The following GSE1 variants were observed in gnomAD, a reference collection of about 807,000 sequenced individuals.
The protein encoded by GSE1 is genetic suppressor element 1.
A neutral mutation model predicts 112.6 loss-of-function variants in GSE1; 32 were observed. The ratio of observed to expected loss-of-function variants is 0.28; its 90% CI spans 0.21 to 0.38. The LOEUF (loss-of-function observed/expected upper bound fraction) is 0.38, where lower values mean the gene tolerates loss of function less well. Among genes scored for constraint, GSE1 ranks in the 10% least tolerant of loss-of-function variants. GSE1 has a pLI of 1.00. For synonymous variants in GSE1, 1,115 were observed against 735.6 expected (o/e 1.52, Z -8.35); for missense variants, 2,348 against 1,699.2 (o/e 1.38, Z -6.71).
rs1167569222 is a variant in GSE1 at position 85,410,033 on chromosome 16, GCC to G, written c.2464+52397_2464+52398del. 3.3e-3 allele frequency among the ~76,000 whole-genome samples: 12 copies of G among 3,616 alleles called. 1 individual carries two copies. The highest frequency in any genetic ancestry group is 0.017 in the South Asian group (1 of 58). The allele number at this position is 3,616 out of a possible 152,430, so 2.4% of individuals were successfully genotyped here. A position where few individuals can be genotyped will look rare whatever the true frequency, so the allele number is the denominator to read the frequency against. On this transcript the variant is annotated intron_variant, in intron 2 of 2. Transcript: ENST00000637419. The stretch of plus-strand genomic sequence containing the variant: ...GATAATCCTCACTGTTACACTCAGG[GCC>G]CCCCCCGGATAATCCTCACTGTTAC...
At chr16:85,540,610 C>T (rs16975730) in intron 2 of GSE1, among the ~76,000 whole-genome samples, 1,828 of 152,302 alleles carry the variant, frequency 0.012, 11 homozygotes, top group Middle Eastern at 0.048. Flanking sequence ...CCCTTCTAGT[C>T]TTGACAGCTC....
At chr16:85,424,447 G>C (rs935474636) in intron 2 of GSE1, among the ~76,000 whole-genome samples, 1 of 152,178 alleles carries the variant, frequency 6.6e-6, no homozygotes, top group South Asian at 2.1e-4. Flanking sequence ...CAGGGTGTCA[G>C]TTAACCAGCC....
chr16:85,267,755 G>C (rs1427973932), intron 1 of GSE1, among the ~76,000 whole-genome samples: 1 of 152,108 alleles, frequency 6.6e-6, no homozygotes, highest in East Asian at 1.9e-4. Flanking sequence ...AAAACCCACT[G>C]CAGGCAAACC....
chr16:85,396,316 T>A (rs1403429786), intron 2 of GSE1, among the ~76,000 whole-genome samples: 1 of 152,228 alleles, frequency 6.6e-6, no homozygotes, highest in African/African-American at 2.4e-5. Context: ...GCCGTGTTGT[T>A]TGGAGAGACA....
chr16:85,451,967 C>T (rs2049695902), intron 2 of GSE1, among the ~76,000 whole-genome samples: 1 of 152,140 alleles, frequency 6.6e-6, no homozygotes. Flanking sequence ...GCCTGCCTCC[C>T]CCCCTCACCG....
At chr16:85,522,827 CAG>C (rs1188723639) in intron 2 of GSE1, among the ~76,000 whole-genome samples, 1 of 151,742 alleles carries the variant, frequency 6.6e-6, no homozygotes, top group Non-Finnish European at 1.5e-5. Flanking sequence ...GTATAAGTGT[CAG>C]GAGTGAGTAT....
At chr16:85,546,462 G>C (rs918194289) in intron 2 of GSE1, among the ~76,000 whole-genome samples, 2 of 152,202 alleles carry the variant, frequency 1.3e-5, no homozygotes, top group Non-Finnish European at 2.9e-5. Context: ...ATTAGAAGTT[G>C]TACAGTAGAT....
At chr16:85,457,569 C>A (rs1488781716) in intron 2 of GSE1, among the ~76,000 whole-genome samples, 1 of 152,238 alleles carries the variant, frequency 6.6e-6, no homozygotes, top group Non-Finnish European at 1.5e-5. Flanking sequence ...ATGCAGAGAG[C>A]AGGGCAAGGG....
intron 1 of GSE1, among the ~76,000 whole-genome samples, chr16:85,228,912 G>A (rs1015439938): frequency 1.3e-5 from 2 of 152,330 alleles, no homozygotes; most frequent in African/African-American, 2.4e-5. Context: ...AAACATACCC[G>A]AAGGAGTTAA....
At chr16:85,348,225 A>C (rs1353904792) in intron 1 of GSE1, among the ~76,000 whole-genome samples, 1 of 151,678 alleles carries the variant, frequency 6.6e-6, no homozygotes, top group Non-Finnish European at 1.5e-5. Flanking sequence ...TCTATCATCC[A>C]TCCACCTGTC....
At chr16:85,500,883 G>A (rs1296824476) in intron 2 of GSE1, among the ~76,000 whole-genome samples, 2 of 151,846 alleles carry the variant, frequency 1.3e-5, no homozygotes, top group African/African-American at 4.8e-5. Flanking sequence ...CACAGTCTCT[G>A]CCTCTGTCAG....
intron 1 of GSE1, among the ~76,000 whole-genome samples, chr16:85,321,321 A>G (rs923170554): frequency 1.3e-5 from 2 of 152,144 alleles, no homozygotes; most frequent in African/African-American, 2.4e-5. Context: ...GCACAAGGAG[A>G]GAGGAGGGCG....
intron 2 of GSE1, among the ~76,000 whole-genome samples, chr16:85,365,209 C>G (rs1296280525): frequency 6.6e-6 from 1 of 152,196 alleles, no homozygotes; most frequent in African/African-American, 2.4e-5. Flanking sequence ...ATCCTCACAC[C>G]CGCCCCCAGT....
At chr16:85,487,333 T>C (rs1300970710) in intron 2 of GSE1, among the ~76,000 whole-genome samples, 1 of 151,160 alleles carries the variant, frequency 6.6e-6, no homozygotes. Flanking sequence ...TACAGAGGAG[T>C]GTTTTAGAGC....
chr16:85,539,046 C>G (rs182051956), intron 2 of GSE1, among the ~76,000 whole-genome samples: 21 of 152,366 alleles, frequency 1.4e-4, no homozygotes, highest in African/African-American at 5.0e-4. Flanking sequence ...GCCAGCCCCG[C>G]GGGGCATGGC....
intron 1 of GSE1, among the ~76,000 whole-genome samples, chr16:85,562,818 G>A (rs1008757509): frequency 3.3e-5 from 5 of 152,110 alleles, no homozygotes; most frequent in Non-Finnish European, 4.4e-5. Context: ...AGATCACAGC[G>A]GTCAGGAGAC....
At chr16:85,519,213 C>T (rs1054496998) in intron 2 of GSE1, among the ~76,000 whole-genome samples, 1 of 151,706 alleles carries the variant, frequency 6.6e-6, no homozygotes, top group African/African-American at 2.4e-5. Flanking sequence ...TCATCACCTT[C>T]ACCACCATCT....
At chr16:85,617,989 C>A (rs550910487) in intron 1 of GSE1, among the ~76,000 whole-genome samples, 57 of 152,294 alleles carry the variant, frequency 3.7e-4, no homozygotes, top group African/African-American at 1.3e-3. Context: ...TAACCCCAGG[C>A]AGAATCCTGA....
At chr16:85,302,223 C>A (rs1190595287) in intron 1 of GSE1, among the ~76,000 whole-genome samples, 1 of 152,210 alleles carries the variant, frequency 6.6e-6, no homozygotes, top group Non-Finnish European at 1.5e-5. Context: ...CTAATCTTCG[C>A]TTGGCGGTTC....
Sources: gnomAD v4.1 joint callset for allele counts (sites outside exome capture counted in the v4.1 genomes callset) on GRCh38, gnomAD v4.1.1 for gene constraint, MANE v1.5 for transcripts, NCBI Gene and HGNC (gene_info 2026-07-23, HGNC 2026-07-21) for gene names.